ZFAND3: variants seen among roughly 807,000 people sequenced by gnomAD.
ZFAND3 encodes the protein AN1-type zinc finger protein 3.
Under a neutral mutation model 29.6 loss-of-function variants are expected in ZFAND3, and 10 were observed. That is an observed-to-expected ratio of 0.34 (90% CI 0.21 to 0.57). The LOEUF (loss-of-function observed/expected upper bound fraction) is 0.57, where lower values mean the gene tolerates loss of function less well. Ranked by LOEUF, ZFAND3 falls within the 20% of genes least tolerant of loss-of-function variation. ZFAND3 has a pLI of 0.86. For missense variants in ZFAND3, 230 were observed against 304.5 expected, an observed-to-expected ratio of 0.76 and a Z score of 1.82; for synonymous variants, 128 against 112.6, an observed-to-expected ratio of 1.14 and a Z score of -0.87.
intron 2 of ZFAND3, among the ~76,000 whole-genome samples, chr6:37,958,254 G>A (rs954898857): frequency 7.9e-5 from 12 of 152,246 alleles, no homozygotes; most frequent in Admixed American, 7.8e-4. Flanking sequence ...AGGAGTTCGA[G>A]ACCAGCCAGG....
intron 2 of ZFAND3, among the ~76,000 whole-genome samples, chr6:37,963,604 G>T (rs1399439720): frequency 6.6e-6 from 1 of 151,492 alleles, no homozygotes. Flanking sequence ...AAAAAAAAAA[G>T]ATCCAAATAA....
chr6:37,917,634 T>C (rs1028596526), intron 1 of ZFAND3, among the ~76,000 whole-genome samples: 1 of 152,250 alleles, frequency 6.6e-6, no homozygotes, highest in African/African-American at 2.4e-5. Flanking sequence ...TTGCAAACTC[T>C]GGTCAATCTT....
intron 3 of ZFAND3, among the ~76,000 whole-genome samples, chr6:38,072,461 T>C (rs1054963804): frequency 6.6e-6 from 1 of 152,180 alleles, no homozygotes; most frequent in Non-Finnish European, 1.5e-5. Context: ...TTTCTTTAAA[T>C]GTTCGTATTA....
chr6:38,120,320 C>CCTTTT (rs1765506624), intron 5 of ZFAND3, among the ~76,000 whole-genome samples: 1 of 60,694 alleles, frequency 1.6e-5, no homozygotes, highest in African/African-American at 5.6e-5. Flanking sequence ...GCTTGGCTTC[C>CCTTTT]TTTTTTTTTT....
intron 2 of ZFAND3, among the ~76,000 whole-genome samples, chr6:38,034,873 A>C (rs1479400241): frequency 6.6e-6 from 1 of 152,138 alleles, no homozygotes; most frequent in Non-Finnish European, 1.5e-5. Flanking sequence ...CACTTCCCAA[A>C]AAGGGTTTTA....
chr6:37,944,326 T>C (rs1761863439), intron 2 of ZFAND3, among the ~76,000 whole-genome samples: 1 of 152,214 alleles, frequency 6.6e-6, no homozygotes, highest in African/African-American at 2.4e-5. Flanking sequence ...AAAATCTTTA[T>C]TATAGATTTT....
chr6:37,820,855 T>C (rs754344268), intron 1 of ZFAND3, among the ~76,000 whole-genome samples: 37 of 152,196 alleles, frequency 2.4e-4, no homozygotes, highest in Non-Finnish European at 4.6e-4. Flanking sequence ...TCAGCTCCTC[T>C]TCCTCCCCCC....
chr6:37,867,979 A>T (rs1764619416), intron 1 of ZFAND3, among the ~76,000 whole-genome samples: 1 of 152,230 alleles, frequency 6.6e-6, no homozygotes, highest in Non-Finnish European at 1.5e-5. Context: ...ACATTTAAAC[A>T]GGGTGGTTGT....
At chr6:37,921,457 A>G (rs1193217708) in intron 1 of ZFAND3, among the ~76,000 whole-genome samples, 7 of 151,738 alleles carry the variant, frequency 4.6e-5, no homozygotes, top group Non-Finnish European at 8.8e-5. Context: ...GTTGAGGAAC[A>G]TTGATATGGT....
chr6:38,097,556 G>A (rs1335608672), intron 4 of ZFAND3, among the ~76,000 whole-genome samples: 1 of 152,154 alleles, frequency 6.6e-6, no homozygotes, highest in Non-Finnish European at 1.5e-5. Flanking sequence ...AGGGACCATA[G>A]AAACAGCTTT....
At chr6:38,045,561 C>T (rs943510897) in intron 2 of ZFAND3, among the ~76,000 whole-genome samples, 37 of 152,168 alleles carry the variant, frequency 2.4e-4, no homozygotes, top group Non-Finnish European at 2.9e-5. Context: ...AGCAATTTTT[C>T]TTCCTTTTAA....
At chr6:37,911,868 T>TG (rs1196774071) in intron 1 of ZFAND3, among the ~76,000 whole-genome samples, 1 of 152,114 alleles carries the variant, frequency 6.6e-6, no homozygotes, top group Non-Finnish European at 1.5e-5. Flanking sequence ...TCCTATTTTA[T>TG]GGGGGGCCTC....
chr6:38,123,509 C>A (rs898339829), intron 5 of ZFAND3, among the ~76,000 whole-genome samples: 3 of 152,196 alleles, frequency 2.0e-5, no homozygotes, highest in African/African-American at 7.2e-5. Context: ...CACCAGAAAA[C>A]CCTGTTATGC....
At chr6:38,151,966 T>C (rs1766235839) in intron 5 of ZFAND3, among the ~76,000 whole-genome samples, 1 of 152,166 alleles carries the variant, frequency 6.6e-6, no homozygotes, top group African/African-American at 2.4e-5. Flanking sequence ...AGGACAGGGC[T>C]GTGTCTCGCA....
chr6:38,026,751 T>C (rs772374930), intron 2 of ZFAND3, among the ~76,000 whole-genome samples: 6 of 151,538 alleles, frequency 4.0e-5, no homozygotes, highest in Non-Finnish European at 8.8e-5. Context: ...TAGGATCTTA[T>C]GTGGTAGATA....
intron 2 of ZFAND3, among the ~76,000 whole-genome samples, chr6:37,958,786 G>A (rs928435051): frequency 6.8e-6 from 1 of 146,046 alleles, no homozygotes; most frequent in Non-Finnish European, 1.5e-5. Flanking sequence ...TGTTTACATT[G>A]CTTGTATTTT....
rs1266234318 is a variant in ZFAND3 at position 38,096,033 on chromosome 6, C to CA, written c.361+13586dup. On this transcript the variant is annotated intron_variant, in intron 4 of 5. Transcript: ENST00000287218. ...GGGCAACAGAGCTGAGATGCTGTTT[C>CA]AAAAAAAAAAGTAATTGCATTCTTG... Among the ~76,000 whole-genome samples the CA allele has an allele frequency of 3.4e-3, 504 of 146,966 alleles. 4 individuals carry two copies. Among genetic ancestry groups the CA allele is most frequent in the African/African-American group, 0.011 (454 of 40,240 alleles).
intron 1 of ZFAND3, among the ~76,000 whole-genome samples, chr6:37,874,332 A>G (rs573995454): frequency 1.3e-5 from 2 of 152,266 alleles, no homozygotes; most frequent in Admixed American, 6.5e-5. Context: ...CCTGATCAAC[A>G]CGGAGAAACC....
chr6:38,122,565 TG>T (rs918849419), intron 5 of ZFAND3, among the ~76,000 whole-genome samples: 4 of 152,060 alleles, frequency 2.6e-5, no homozygotes, highest in Non-Finnish European at 4.4e-5. Flanking sequence ...TCTTCAGTGG[TG>T]GGGGGAGGAT....
Sources: gnomAD v4.1 joint callset for allele counts (sites outside exome capture counted in the v4.1 genomes callset) on GRCh38, gnomAD v4.1.1 for gene constraint, MANE v1.5 for transcripts, NCBI Gene and HGNC (gene_info 2026-07-23, HGNC 2026-07-21) for gene names.